Variants in NMT1 observed in about 807,000 individuals in gnomAD.
The protein encoded by NMT1 is glycylpeptide N-tetradecanoyltransferase 1.
NMT1 carries 12 observed loss-of-function variants against 63.4 expected under a neutral mutation model. That is an observed-to-expected ratio of 0.19 (90% CI 0.12 to 0.31). The LOEUF is 0.31. Ranked by LOEUF, NMT1 falls within the 10% of genes least tolerant of loss-of-function variation. The pLI is 1.00. For missense variants in NMT1, 432 were observed against 634.6 expected (o/e 0.68, Z 3.43); for synonymous variants, 228 against 234.3 (o/e 0.97, Z 0.25).
At chr17:45,079,676 A>G (rs2054001889) in intron 1 of NMT1, among the ~76,000 whole-genome samples, 1 of 152,176 alleles carries the variant, frequency 6.6e-6, no homozygotes, top group African/African-American at 2.4e-5. Flanking sequence ...GTGCATACAC[A>G]CAGACATGTT....
chr17:45,094,302 G>C (rs996568668), intron 4 of NMT1, among the ~76,000 whole-genome samples: 1 of 151,760 alleles, frequency 6.6e-6, no homozygotes, highest in African/African-American at 2.4e-5. Context: ...AGACCAGTCT[G>C]ACCAACATAA....
intron 1 of NMT1, among the ~76,000 whole-genome samples, chr17:45,068,363 A>G (rs771422858): frequency 7.2e-5 from 11 of 152,124 alleles, no homozygotes; most frequent in Non-Finnish European, 1.6e-4. Context: ...TCCCAGCTAC[A>G]TGGGAGGCTG....
intron 3 of NMT1, among the ~76,000 whole-genome samples, chr17:45,087,371 CA>C (rs1443080477): frequency 1.3e-5 from 2 of 152,216 alleles, no homozygotes; most frequent in East Asian, 3.9e-4. Flanking sequence ...TTACTAAATG[CA>C]AAGTGGTTTG....
chr17:45,104,138 C>G lies in NMT1; in HGVS notation c.1332+262C>G, dbSNP rs750353554. On this transcript the variant is annotated intron_variant, in intron 10 of 11. Transcript: ENST00000258960. This position sits in a 1 kb window ranked among gnomAD's most constrained non-coding sequence, Gnocchi z 4.2. ...TCTCACAGGAGGCGCCACCAAGGAG[C>G]CTGAATAGCCAGGCCTTCCCTGGGA... 1.5e-6 allele frequency: 2 copies of G among 1,367,292 alleles called. No homozygotes were observed. Among genetic ancestry groups the G allele is most frequent in the Non-Finnish European group, 1.9e-6 (2 of 1,054,134 alleles). The allele number at this position is 1,367,292 out of a possible 1,614,324, so 84.7% of individuals were successfully genotyped here.
chr17:45,067,207 T>A (rs1334826373), intron 1 of NMT1, among the ~76,000 whole-genome samples: 1 of 152,070 alleles, frequency 6.6e-6, no homozygotes, highest in Non-Finnish European at 1.5e-5. Flanking sequence ...CAAGAAGTAT[T>A]GCCAAAGAAT....
chr17:45,105,238 A>C lies in NMT1; in HGVS notation c.1470+242A>C, dbSNP rs565218113. ...AGTAGCACGAAGATCATCTCCAATG[A>C]GGCCTTCCCACGTGAGGGAACCGTG... On this transcript the variant is annotated intron_variant, in intron 11 of 11. Coordinates refer to ENST00000258960, the MANE Select transcript of NMT1 (RefSeq NM_021079.5). The surrounding 1 kb of genome is among the most constrained non-coding windows in gnomAD (Gnocchi z 4.2). Among the ~76,000 whole-genome samples, 2 of 152,306 alleles carry C rather than the reference A, an allele frequency of 1.3e-5. No homozygotes were observed. The highest frequency in any genetic ancestry group is 4.8e-5 in the African/African-American group (2 of 41,558).
intron 1 of NMT1, among the ~76,000 whole-genome samples, chr17:45,070,257 G>T (rs938312305): frequency 2.1e-4 from 32 of 150,488 alleles, no homozygotes; most frequent in East Asian, 5.9e-4. Context: ...ACCTTTTTTT[G>T]TGTGTGTGTG....
At chr17:45,074,237 CAG>C (rs1207515737) in intron 1 of NMT1, among the ~76,000 whole-genome samples, 4 of 133,892 alleles carry the variant, frequency 3.0e-5, no homozygotes, top group African/African-American at 8.7e-5. Flanking sequence ...TTTTTTGAGA[CAG>C]AGTCTCGCTC....
chr17:45,073,503 AGT>A (rs1029356784), intron 1 of NMT1, among the ~76,000 whole-genome samples: 1 of 152,162 alleles, frequency 6.6e-6, no homozygotes, highest in African/African-American at 2.4e-5. Context: ...TTATATATTA[AGT>A]GTTTTAGGAG....
chr17:45,077,016 A>C (rs780246699), intron 1 of NMT1, among the ~76,000 whole-genome samples: 7 of 152,246 alleles, frequency 4.6e-5, no homozygotes, highest in Non-Finnish European at 1.0e-4. Context: ...GCTACATGGA[A>C]GTATCTCCGC....
chr17:45,096,103 C>A, intron 4 of NMT1, 91 bp from the exon 5 acceptor site: 13 of 954,296 alleles, frequency 1.4e-5, no homozygotes, highest in East Asian at 2.5e-5. Context: ...TAGTTTGCTT[C>A]ATCCTTCTGA....
chr17:45,082,950 G>A (rs930051084), intron 2 of NMT1, among the ~76,000 whole-genome samples: 2 of 152,170 alleles, frequency 1.3e-5, no homozygotes, highest in Non-Finnish European at 2.9e-5. Context: ...CCAGGAGGCA[G>A]AGGTTGAAGT....
chr17:45,094,134 C>G (rs1027954100), intron 4 of NMT1, among the ~76,000 whole-genome samples: 2 of 152,084 alleles, frequency 1.3e-5, no homozygotes, highest in African/African-American at 4.8e-5. Context: ...CCCTGTCCTC[C>G]CCTTTCCACC....
In NMT1 at chr17:45,104,722, G is replaced by A. The variant is rs925958928; in HGVS notation, c.1333-137G>A. The A allele has an allele frequency of 6.7e-7, 1 of 1,484,392 alleles. No individual in the cohort carries two copies. Among genetic ancestry groups the A allele is most frequent in the Non-Finnish European group, 8.9e-7 (1 of 1,119,098 alleles). The allele number at this position is 1,484,392 out of a possible 1,614,324, so 92.0% of individuals were successfully genotyped here. The stretch of plus-strand genomic sequence containing the variant: ...CCACCCGGAGAGCGGGGATTAACGT[G>A]GAAGCAGCGGAGCTTCTGAGGGAAC... On this transcript the variant is annotated intron_variant, in intron 10 of 11. Coordinates refer to ENST00000258960, the MANE Select transcript of NMT1 (RefSeq NM_021079.5). This position sits in a 1 kb window ranked among gnomAD's most constrained non-coding sequence, Gnocchi z 4.2.
intron 1 of NMT1, among the ~76,000 whole-genome samples, chr17:45,064,455 G>A (rs2053888548): frequency 6.6e-6 from 1 of 152,172 alleles, no homozygotes. Context: ...AGAGGAAATG[G>A]TTTTGGGGAG....
Position 45,108,979 on chromosome 17 carries a change from T to C in NMT1, c.*3340T>C, listed in dbSNP as rs141266275. ...ATGCATTGTTGTTCTGCTCAATACA[T>C]CTCACTTGTTTCTAATAAAGAAAGC... is the stretch of plus-strand genomic sequence containing the variant. On this transcript the variant is annotated 3_prime_UTR_variant, in exon 12 of 12. Transcript: ENST00000258960. 151 of 152,708 alleles carry C rather than the reference T, an allele frequency of 9.9e-4. No homozygotes were observed. The highest frequency in any genetic ancestry group is 3.5e-3 in the African/African-American group (147 of 41,544). 9.5% of individuals were successfully genotyped at this position (152,708 alleles called of 1,614,324 possible). A position where few individuals can be genotyped will look rare whatever the true frequency, so the allele number is the denominator to read the frequency against.
At chr17:45,096,363 TC>T (rs1361880001) in intron 5 of NMT1, 78 bp downstream of exon 5, 18 of 1,203,414 alleles carry the variant, frequency 1.5e-5, no homozygotes, top group Middle Eastern at 1.9e-4. Flanking sequence ...AGAGTTTTCA[TC>T]CCTGCCAGGG....
chr17:45,106,263 G>A lies in NMT1; in HGVS notation c.*624G>A, dbSNP rs2143528910. ...GCTCAGATCTCATGGGATAGCACGT[G>A]GAGCTCTTGGCTGGGGCTGACCCTG... is the stretch of plus-strand genomic sequence containing the variant. On this transcript the variant is annotated 3_prime_UTR_variant, in exon 12 of 12. Transcript: ENST00000258960. 6.5e-6 allele frequency: 1 copy of A among 152,750 alleles called. No homozygotes were observed. Among genetic ancestry groups the A allele is most frequent in the African/African-American group, 2.4e-5 (1 of 41,560 alleles). The allele number at this position is 152,750 out of a possible 1,614,324, so 9.5% of individuals were successfully genotyped here.
intron 1 of NMT1, among the ~76,000 whole-genome samples, chr17:45,075,763 C>G (rs2053973509): frequency 6.6e-6 from 1 of 151,852 alleles, no homozygotes. Flanking sequence ...AGCAAGACTC[C>G]GTCTCAAAAC....
Sources: allele counts gnomAD v4.1 joint callset (sites outside exome capture counted in the v4.1 genomes callset), GRCh38; gene constraint gnomAD v4.1.1; non-coding constraint Gnocchi (gnomAD v3.1); transcripts MANE v1.5; gene names NCBI Gene and HGNC (gene_info 2026-07-23, HGNC 2026-07-21).